Variants in LRRC4C observed in about 807,000 individuals in gnomAD.
LRRC4C encodes the protein leucine rich repeat containing 4C, also known as leucine-rich repeat-containing protein 4C.
Under a neutral mutation model 33.6 loss-of-function variants are expected in LRRC4C, and 5 were observed. That is an observed-to-expected ratio of 0.15 (90% CI 0.08 to 0.31). LRRC4C has a LOEUF of 0.31. Among genes scored for constraint, LRRC4C ranks in the 10% least tolerant of loss-of-function variants. The pLI, the probability that LRRC4C is intolerant of heterozygous loss-of-function variation, is 1.00. For synonymous variants in LRRC4C, 329 were observed against 302.0 expected, an observed-to-expected ratio of 1.09 and a Z score of -0.93; for missense variants, 560 against 796.7, an observed-to-expected ratio of 0.70 and a Z score of 3.58.
intron 1 of LRRC4C, among the ~76,000 whole-genome samples, chr11:41,058,856 A>C (rs1212043403): frequency 6.6e-6 from 1 of 152,140 alleles, no homozygotes; most frequent in Admixed American, 6.6e-5. Flanking sequence ...GTGATTATAC[A>C]CCATCGAATA....
chr11:40,255,269 C>T (rs1024290990), intron 4 of LRRC4C, among the ~76,000 whole-genome samples: 26 of 152,178 alleles, frequency 1.7e-4, no homozygotes, highest in African/African-American at 5.8e-4. Flanking sequence ...CTGGGATGTG[C>T]CACAAAGCCA....
At chr11:40,871,604 C>A (rs1016393137) in intron 2 of LRRC4C, among the ~76,000 whole-genome samples, 1 of 152,034 alleles carries the variant, frequency 6.6e-6, no homozygotes, top group African/African-American at 2.4e-5. Flanking sequence ...TCCGTTTATG[C>A]ACAGACAAAG....
intron 1 of LRRC4C, among the ~76,000 whole-genome samples, chr11:41,063,098 T>C (rs1191272956): frequency 6.6e-6 from 1 of 152,200 alleles, no homozygotes; most frequent in Admixed American, 6.5e-5. Context: ...AGAGAACACA[T>C]TTCTAGACAT....
At chr11:40,604,459 C>G (rs924592031) in intron 3 of LRRC4C, among the ~76,000 whole-genome samples, 8 of 152,028 alleles carry the variant, frequency 5.3e-5, no homozygotes, top group Non-Finnish European at 8.8e-5. Flanking sequence ...TTTATGATCT[C>G]TAATATGAGG....
At chr11:41,458,542 G>A (rs975313147) in intron 1 of LRRC4C, among the ~76,000 whole-genome samples, 1 of 138,754 alleles carries the variant, frequency 7.2e-6, no homozygotes, top group Non-Finnish European at 1.5e-5. Context: ...GGAAAAGCGT[G>A]GTGGGGGGGA....
intron 1 of LRRC4C, among the ~76,000 whole-genome samples, chr11:41,417,983 T>C (rs557681994): frequency 4.6e-4 from 69 of 151,500 alleles, no homozygotes; most frequent in African/African-American, 1.6e-3. Flanking sequence ...TACGTGTATA[T>C]ATATACATAT....
chr11:40,115,114 G>A lies in LRRC4C; in HGVS notation c.1179C>T (p.Val393=), dbSNP rs756889081. 1.2e-6 allele frequency: 2 copies of A among 1,614,186 alleles called. No homozygotes were observed. The highest frequency in any genetic ancestry group is 1.1e-5 in the South Asian group (1 of 91,088). Reference sequence around the variant, plus strand: ...GCACTTTGTACGCCCCATGTGTCATGACTGTTCCATTTGGAGTAATCCAAG... The same window carrying A: ...GCACTTTGTACGCCCCATGTGTCATAACTGTTCCATTTGGAGTAATCCAAG... The part of the protein sequence containing the change: ...SVSWITPNGT[V]MTHGAYKVRI... Residue 393 remains valine, a synonymous_variant, in exon 7 of 7, where the codon GTC becomes GTT. Coordinates refer to ENST00000528697, the MANE Select transcript of LRRC4C (RefSeq NM_001258419.2). This position sits in a 1 kb window ranked among gnomAD's most constrained non-coding sequence, Gnocchi z 6.7.
intron 1 of LRRC4C, among the ~76,000 whole-genome samples, chr11:41,370,477 C>A (rs1047069255): frequency 6.6e-6 from 1 of 152,110 alleles, no homozygotes; most frequent in African/African-American, 2.4e-5. Flanking sequence ...ATACTGCTCT[C>A]GTGGTAGTGA....
chr11:40,114,376 T>C lies in LRRC4C; in HGVS notation c.1917A>G (p.Gln639=), dbSNP rs372143379. 5.7e-6 allele frequency: 9 copies of C among 1,590,368 alleles called. No homozygotes were observed. The African/African-American group carries it at 1.2e-4, about 22-fold the overall frequency. ...MNSKDNVQET[Q]I is the part of the protein sequence containing the mutation. ...TTGTAACTCTGTAAATGTTTTAGAT[T>C]TGAGTCTCTTGTACATTGTCTTTAG... The change falls in exon 7 of 7, where the codon CAA becomes CAG. Residue 639 remains glutamine, a synonymous_variant. Transcript: ENST00000528697.
At chr11:40,865,473 C>A (rs527829771) in intron 2 of LRRC4C, among the ~76,000 whole-genome samples, 9 of 150,776 alleles carry the variant, frequency 6.0e-5, no homozygotes, top group African/African-American at 2.2e-4. Flanking sequence ...TGAGGCAAGG[C>A]ATATGCTCAT....
intron 2 of LRRC4C, among the ~76,000 whole-genome samples, chr11:40,859,966 G>A (rs1382420727): frequency 6.6e-6 from 1 of 151,998 alleles, no homozygotes; most frequent in Non-Finnish European, 1.5e-5. Flanking sequence ...GGCGCCTGTA[G>A]TCCCAGCTAC....
chr11:41,196,189 C>T (rs1946171268), intron 1 of LRRC4C, among the ~76,000 whole-genome samples: 1 of 152,058 alleles, frequency 6.6e-6, no homozygotes, highest in South Asian at 2.1e-4. Flanking sequence ...AATCTAAAGA[C>T]ATTCTCCCTC....
chr11:40,686,219 C>T (rs1459646597), intron 2 of LRRC4C, among the ~76,000 whole-genome samples: 3 of 151,984 alleles, frequency 2.0e-5, no homozygotes, highest in African/African-American at 7.2e-5. Context: ...ACAGTATCTA[C>T]CATTGATTTG....
intron 3 of LRRC4C, among the ~76,000 whole-genome samples, chr11:40,559,398 T>C (rs1003108963): frequency 2.6e-5 from 4 of 152,128 alleles, no homozygotes; most frequent in Non-Finnish European, 5.9e-5. Context: ...TTGCCCAGGC[T>C]GCTGTTGAAT....
intron 1 of LRRC4C, among the ~76,000 whole-genome samples, chr11:41,318,748 T>C (rs2137251370): frequency 6.6e-6 from 1 of 152,324 alleles, no homozygotes; most frequent in Admixed American, 6.5e-5. Context: ...TTTGTGTGTC[T>C]GTGTTTGTGT....
rs12280874 is a variant in LRRC4C, at chr11:40,591,576, G to T, written c.-270+56566C>A. ...TTTATTGTGTCCACTTTACAGAGAA[G>T]TAAACTGAATCTCAGCAAGAATAAA... is the stretch of plus-strand genomic sequence containing the variant. On this transcript the variant is annotated intron_variant, in intron 3 of 6. Transcript: ENST00000528697. Among the ~76,000 whole-genome samples, 439 of 152,316 alleles carry T rather than the reference G, an allele frequency of 2.9e-3. 1 individual carries two copies. The highest frequency in any genetic ancestry group is 0.01 in the African/African-American group (420 of 41,576).
chr11:40,146,263 TTA>T (rs1857723806), intron 5 of LRRC4C, among the ~76,000 whole-genome samples: 1 of 152,120 alleles, frequency 6.6e-6, no homozygotes, highest in Non-Finnish European at 1.5e-5. Flanking sequence ...CCACTGTGCA[TTA>T]TATATATTTA....
intron 4 of LRRC4C, among the ~76,000 whole-genome samples, chr11:40,301,900 C>G (rs572176846): frequency 6.6e-6 from 1 of 152,106 alleles, no homozygotes; most frequent in Non-Finnish European, 1.5e-5. Context: ...TTGCTGTAGA[C>G]TTATGAAAAA....
rs569235785 is a variant in LRRC4C at position 40,249,270 on chromosome 11, C to A, written c.-175-7672G>T. ...AGGAGAATCTCTTGAACCTGAGAGG[C>A]GGAGGTTGCAGTGAGCCGAGATCGC... On this transcript the variant is annotated intron_variant, in intron 4 of 6. Coordinates refer to ENST00000528697, the MANE Select transcript of LRRC4C (RefSeq NM_001258419.2). Among the ~76,000 whole-genome samples the A allele has an allele frequency of 1.9e-4, 29 of 151,912 alleles. No homozygotes were observed. In the East Asian group the frequency reaches 5.2e-3, roughly 27 times the overall value.
Sources: allele counts gnomAD v4.1 joint callset (sites outside exome capture counted in the v4.1 genomes callset), GRCh38; gene constraint gnomAD v4.1.1; non-coding constraint Gnocchi (gnomAD v3.1); transcripts MANE v1.5; gene names NCBI Gene and HGNC (gene_info 2026-07-23, HGNC 2026-07-21).